Variants in NIT2 observed in about 807,000 individuals in gnomAD.
The protein encoded by NIT2 is omega-amidase NIT2.
A neutral mutation model predicts 42.7 loss-of-function variants in NIT2; 46 were observed. The observed-to-expected ratio is 1.08, with a 90% CI of 0.85 to 1.38. The LOEUF (loss-of-function observed/expected upper bound fraction) is 1.38, where lower values mean the gene tolerates loss of function less well. Ranked by LOEUF, NIT2 falls within the 40% of genes most tolerant of loss-of-function variation. The pLI, the probability that NIT2 is intolerant of heterozygous loss-of-function variation, is 0.00. For synonymous variants in NIT2, 123 were observed against 121.9 expected (o/e 1.01, Z -0.06); for missense variants, 309 against 342.5 (o/e 0.90, Z 0.77).
intron 7 of NIT2, among the ~76,000 whole-genome samples, chr3:100,350,318 A>T (rs1347293089): frequency 1.3e-5 from 2 of 152,202 alleles, no homozygotes; most frequent in Non-Finnish European, 2.9e-5. Flanking sequence ...TTAAGTCTCG[A>T]GGGCTCCGAG....
intron 1 of NIT2, 125 bp from the exon 2 acceptor site, chr3:100,338,962 G>C (rs569505583): frequency 1.4e-6 from 1 of 725,912 alleles, no homozygotes; most frequent in African/African-American, 1.7e-5. Flanking sequence ...GGCATCAAAG[G>C]TATCTTCAGA....
At chr3:100,339,042 C>A in intron 1 of NIT2, 45 bp from the exon 2 acceptor site, 2 of 1,301,470 alleles carry the variant, frequency 1.5e-6, no homozygotes, top group South Asian at 2.4e-5. Flanking sequence ...CTGAATCCAG[C>A]AGTTCGATCT....
chr3:100,354,090 C>T (rs761473290), intron 8 of NIT2, among the ~76,000 whole-genome samples: 41 of 152,230 alleles, frequency 2.7e-4, no homozygotes, highest in Non-Finnish European at 5.1e-4. Flanking sequence ...GATGGTTTTA[C>T]AGGTCAGCCT....
chr3:100,358,532 A>C lies in NIT2; in HGVS notation c.*3264A>C, dbSNP rs1706345042. 1 of 152,254 alleles carries C rather than the reference A, an allele frequency of 6.6e-6. No homozygotes were observed. Among genetic ancestry groups the C allele is most frequent in the African/African-American group, 2.4e-5 (1 of 41,464 alleles). The allele number at this position is 152,254 out of a possible 1,614,324, so 9.4% of individuals were successfully genotyped here. ...ATTCACATTTAAGTGAATTCCTCACAGGGATGACGACCTCTGTTGAAATAG... is the reference window on the plus strand; with the variant it reads ...ATTCACATTTAAGTGAATTCCTCACCGGGATGACGACCTCTGTTGAAATAG... On this transcript the variant is annotated 3_prime_UTR_variant, in exon 10 of 10. Coordinates refer to ENST00000394140, the MANE Select transcript of NIT2 (RefSeq NM_020202.5).
intron 4 of NIT2, among the ~76,000 whole-genome samples, chr3:100,345,150 G>C (rs1706201040): frequency 6.6e-6 from 1 of 151,668 alleles, no homozygotes; most frequent in South Asian, 2.1e-4. Flanking sequence ...GTAGAGACAA[G>C]GTTTCACTAC....
rs143628835 is a variant in NIT2 at position 100,341,099 on chromosome 3, A to C, written c.274A>C (p.Lys92Gln). The change falls in exon 4 of 10, where the codon AAA becomes CAA. Residue 92 changes from lysine (K) to glutamine (Q), a missense_variant. By Grantham distance (53) the Lys-to-Gln change is moderately conservative. Coordinates refer to ENST00000394140, the MANE Select transcript of NIT2 (RefSeq NM_020202.5). ...CTCTATCCCTGAAGAGGATGCTGGG[A>C]AATTATATAACACCTGTGCTGTGTT... ...GGSIPEEDAG[K>Q]LYNTCAVFGP... The C allele has an allele frequency of 1.1e-4, 184 of 1,613,462 alleles. No homozygotes were observed. In the African/African-American group the frequency reaches 2.1e-3, roughly 18 times the overall value.
rs774794207 is a variant in NIT2 at position 100,348,825 on chromosome 3, A to G, written c.528A>G (p.Pro176=). Residue 176 remains proline (P), a synonymous_variant, in exon 7 of 10, where the codon CCA becomes CCG. Transcript: ENST00000394140. ...AQRGCQLLVY[P]GAFNLTTGPA... is the part of the protein sequence containing the mutation. ...AAGGCTGCCAGCTGTTGGTATATCC[A>G]GGAGCTTTTAATCTGACCACTGGAC... 15 of 1,614,076 alleles carry G rather than the reference A, an allele frequency of 9.3e-6. No homozygotes were observed. Among genetic ancestry groups the G allele is most frequent in the Non-Finnish European group, 1.2e-5 (14 of 1,179,944 alleles).
intron 4 of NIT2, among the ~76,000 whole-genome samples, chr3:100,344,793 G>A (rs1431870926): frequency 1.3e-5 from 2 of 151,718 alleles, no homozygotes; most frequent in African/African-American, 4.8e-5. Flanking sequence ...TTATAGGCAT[G>A]CACCACCATG....
Position 100,339,072 on chromosome 3 carries a change from T to A in NIT2, c.8-15T>A. 2 of 1,570,312 alleles carry A rather than the reference T, an allele frequency of 1.3e-6. No individual in the cohort carries two copies. The highest frequency in any genetic ancestry group is 8.8e-7 in the Non-Finnish European group (1 of 1,139,992). ...CGATCTTCTGATAGCTGTTTTCTTTTGTCTTTGTTCTCAGCTTTCCGCTTG... is the reference window on the plus strand; with the variant it reads ...CGATCTTCTGATAGCTGTTTTCTTTAGTCTTTGTTCTCAGCTTTCCGCTTG... On this transcript the variant is annotated splice_polypyrimidine_tract_variant and intron_variant, in intron 1 of 9. Coordinates refer to ENST00000394140, the MANE Select transcript of NIT2 (RefSeq NM_020202.5).
chr3:100,335,954 C>T (rs763707653), intron 1 of NIT2, among the ~76,000 whole-genome samples: 5 of 152,176 alleles, frequency 3.3e-5, no homozygotes, highest in Non-Finnish European at 7.3e-5. Flanking sequence ...GGAGGGGAGA[C>T]GTTTAGTGGA....
In NIT2 at chr3:100,358,815, TA is replaced by T. The variant is rs1157320039; in HGVS notation, c.*3550del. ...TTAGACAAGAGTTTAGGTTTCAAGA[TA>T]AATGTTCTGCTCTATTGGCACTGGT... On this transcript the variant is annotated 3_prime_UTR_variant, in exon 10 of 10. Transcript: ENST00000394140. 1 of 152,208 alleles carries T rather than the reference TA, an allele frequency of 6.6e-6. No homozygotes were observed. Among genetic ancestry groups the T allele is most frequent in the Non-Finnish European group, 1.5e-5 (1 of 68,034 alleles). 9.4% of individuals were successfully genotyped at this position (152,208 alleles called of 1,614,324 possible). A position where few individuals can be genotyped will look rare whatever the true frequency, so the allele number is the denominator to read the frequency against.
intron 8 of NIT2, among the ~76,000 whole-genome samples, chr3:100,352,801 C>T (rs1706287986): frequency 6.6e-6 from 1 of 152,318 alleles, no homozygotes; most frequent in South Asian, 2.1e-4. Flanking sequence ...GCAGCAGTGA[C>T]AGGCAGGTTG....
At position 100,341,218 on chromosome 3, in the gene NIT2, GA is replaced by G. The variant is rs200749492; in HGVS notation, c.336+65del. On this transcript the variant is annotated intron_variant, in intron 4 of 9. Transcript: ENST00000394140. ...ATCTCTAAGCCAGCAACAATGTGTG[GA>G]AAAAAAATTTGCTATGAAGTTCCCT... The G allele has an allele frequency of 4.1e-5, 55 of 1,341,558 alleles. No homozygotes were observed. The East Asian group carries it at 7.8e-4, about 19-fold the overall frequency. The allele number at this position is 1,341,558 out of a possible 1,614,324, so 83.1% of individuals were successfully genotyped here.
intron 1 of NIT2, 80 bp downstream of exon 1, chr3:100,334,878 C>T: frequency 2.5e-6 from 3 of 1,200,396 alleles, no homozygotes; most frequent in East Asian, 3.2e-5. Context: ...GTGGCTCGGC[C>T]GGCTCAGCCC....
At chr3:100,352,065 A>G (rs1706280574) in intron 7 of NIT2, among the ~76,000 whole-genome samples, 1 of 152,222 alleles carries the variant, frequency 6.6e-6, no homozygotes, top group African/African-American at 2.4e-5. Context: ...ATGAGATACC[A>G]TCTCACACCA....
intron 6 of NIT2, among the ~76,000 whole-genome samples, chr3:100,348,175 A>G (rs1450758827): frequency 6.6e-6 from 1 of 152,186 alleles, no homozygotes; most frequent in African/African-American, 2.4e-5. Context: ...TACAGGCGTG[A>G]GCCAGCGCAC....
chr3:100,349,880 G>GT (rs1261170085), intron 7 of NIT2: 1 of 152,254 alleles, frequency 6.6e-6, no homozygotes, highest in Admixed American at 6.5e-5. Context: ...GAATGTGACT[G>GT]TGAGTGTGTC....
At chr3:100,343,130 CCTT>C (rs1576200033) in intron 4 of NIT2, among the ~76,000 whole-genome samples, 1 of 150,872 alleles carries the variant, frequency 6.6e-6, no homozygotes, top group African/African-American at 2.4e-5. Context: ...TTTTTTCTCT[CCTT>C]CTTTCAAGTG....
intron 4 of NIT2, among the ~76,000 whole-genome samples, chr3:100,341,898 G>A (rs1307407538): frequency 6.6e-6 from 1 of 151,980 alleles, no homozygotes; most frequent in African/African-American, 2.4e-5. Context: ...AAAATTGGCT[G>A]GGTGTAGTGG....
Sources: gnomAD v4.1 joint callset for allele counts (sites outside exome capture counted in the v4.1 genomes callset) on GRCh38, gnomAD v4.1.1 for gene constraint, MANE v1.5 for transcripts, NCBI Gene and HGNC (gene_info 2026-07-23, HGNC 2026-07-21) for gene names.